BCL2L13: variants seen among roughly 807,000 people sequenced by gnomAD.
BCL2L13 encodes BCL2 like 13, also known as bcl-2-like protein 13.
A neutral mutation model predicts 25.8 loss-of-function variants in BCL2L13; 13 were observed. The observed-to-expected ratio is 0.50, with a 90% confidence interval of 0.33 to 0.80. BCL2L13 has a LOEUF of 0.80. Ranked by LOEUF, BCL2L13 falls within the 30% of genes least tolerant of loss-of-function variation. BCL2L13 has a pLI of 0.02. For synonymous variants in BCL2L13, 244 were observed against 230.3 expected (o/e 1.06, Z -0.54); for missense variants, 504 against 574.9 (o/e 0.88, Z 1.26).
At chr22:17,664,904 G>A (rs2059189650) in intron 2 of BCL2L13, among the ~76,000 whole-genome samples, 1 of 152,218 alleles carries the variant, frequency 6.6e-6, no homozygotes, top group Admixed American at 6.5e-5. Flanking sequence ...CCCTGGTCCA[G>A]GAAACTATGT....
Position 17,727,061 on chromosome 22 carries a change from T to C in BCL2L13, c.985T>C (p.Leu329=), listed in dbSNP as rs200337502. The stretch of plus-strand genomic sequence containing the variant: ...AGAGGCTGCTGTGGCTTCTGTGGTC[T>C]TGCCAGCGCGGGAGCTGCAAGAGGC... ...MEEAAVASVV[L]PARELQEALP... is the part of the protein sequence containing the mutation. Residue 329 remains leucine, a synonymous_variant, in exon 7 of 7, where the codon TTG becomes CTG. Coordinates refer to ENST00000317582, the MANE Select transcript of BCL2L13 (RefSeq NM_015367.4). 6 of 1,614,094 alleles carry C rather than the reference T, an allele frequency of 3.7e-6. No individual in the cohort carries two copies. The highest frequency in any genetic ancestry group is 3.3e-5 in the Admixed American group (2 of 60,002).
intron 1 of BCL2L13, among the ~76,000 whole-genome samples, chr22:17,640,051 A>G (rs1173440238): frequency 6.6e-6 from 1 of 152,032 alleles, no homozygotes; most frequent in African/African-American, 2.4e-5. Flanking sequence ...ACGGGGTTTC[A>G]TCATGTTGGT....
rs192039515 is a variant in BCL2L13 at position 17,695,076 on chromosome 22, C to T, written c.387-1065C>T. Among the ~76,000 whole-genome samples the T allele has an allele frequency of 4.0e-5, 6 of 149,850 alleles. No homozygotes were observed. In the East Asian group the frequency reaches 1.2e-3, roughly 30 times the overall value. The stretch of plus-strand genomic sequence containing the variant: ...GAGGAACCACTTGGAACTTATGGTT[C>T]CAGGACCTCAACACAGCCTCGTCTA... On this transcript the variant is annotated intron_variant, in intron 4 of 6. Transcript: ENST00000317582.
chr22:17,643,908 C>T (rs965406229), intron 1 of BCL2L13, among the ~76,000 whole-genome samples: 6 of 149,750 alleles, frequency 4.0e-5, no homozygotes, highest in South Asian at 4.2e-4. Context: ...CCACGGCGCC[C>T]GGCCAACTTT....
chr22:17,631,217 C>G (rs775973446), intron 1 of BCL2L13, among the ~76,000 whole-genome samples: 8 of 151,858 alleles, frequency 5.3e-5, no homozygotes, highest in Non-Finnish European at 8.8e-5. Flanking sequence ...CTGCCTCAGC[C>G]TCTCCAGTAG....
At chr22:17,638,657 C>G (rs1320142802), upstream of BCL2L13, 1 of 1,231,238 alleles carries the variant, frequency 8.1e-7, no homozygotes. Flanking sequence ...TCCGGGGCCT[C>G]CGTTGGTCGG....
chr22:17,714,412 A>T (rs577682188), intron 6 of BCL2L13, among the ~76,000 whole-genome samples: 1 of 152,154 alleles, frequency 6.6e-6, no homozygotes, highest in African/African-American at 2.4e-5. Flanking sequence ...AGATGGTGCA[A>T]CTGCACTCCA....
intron 5 of BCL2L13, among the ~76,000 whole-genome samples, chr22:17,701,350 T>A (rs1047076392): frequency 6.6e-6 from 1 of 152,226 alleles, no homozygotes; most frequent in Non-Finnish European, 1.5e-5. Context: ...TCATCCTTGT[T>A]GCCAGTCACC....
At chr22:17,631,214 A>G (rs2058007108) in intron 1 of BCL2L13, among the ~76,000 whole-genome samples, 1 of 151,322 alleles carries the variant, frequency 6.6e-6, no homozygotes, top group East Asian at 2.0e-4. Context: ...TTCCTGCCTC[A>G]GCCTCTCCAG....
intron 1 of BCL2L13, among the ~76,000 whole-genome samples, chr22:17,629,224 A>G (rs1391818024): frequency 6.6e-6 from 1 of 152,078 alleles, no homozygotes; most frequent in Non-Finnish European, 1.5e-5. Context: ...AAAGGGGGAT[A>G]CATGATTTCT....
chr22:17,714,171 T>C (rs1204906882), intron 6 of BCL2L13, among the ~76,000 whole-genome samples: 1 of 152,010 alleles, frequency 6.6e-6, no homozygotes, highest in Non-Finnish European at 1.5e-5. Flanking sequence ...CGGGCACCTG[T>C]AGTCCCAGCT....
At chr22:17,648,868 G>A (rs891057191) in intron 1 of BCL2L13, among the ~76,000 whole-genome samples, 2 of 152,158 alleles carry the variant, frequency 1.3e-5, no homozygotes, top group Non-Finnish European at 2.9e-5. Flanking sequence ...GTTGGCAAAC[G>A]ACTTCAGTGA....
intron 1 of BCL2L13, among the ~76,000 whole-genome samples, chr22:17,629,729 A>T (rs958115033): frequency 6.6e-6 from 1 of 152,182 alleles, no homozygotes; most frequent in East Asian, 1.9e-4. Flanking sequence ...GAGATATAGT[A>T]ACTTGTAAGA....
chr22:17,631,664 GTGTGTGTATATATATATATATATATA>G (rs1179105573), intron 1 of BCL2L13, among the ~76,000 whole-genome samples: 16 of 26,894 alleles, frequency 5.9e-4, no homozygotes, highest in Non-Finnish European at 9.6e-4. Flanking sequence ...ATGTATGTGT[GTGTGTGTATATATATATATATATATA>G]TATATATATA....
rs147307520 is a variant in BCL2L13 at position 17,630,871 on chromosome 22, G to A, written c.-650+1866G>A. ...CTCCCAAAGTGCTGGGATTACAGAC[G>A]TGAGCCACCGCGCCCAGCCATAACC... On this transcript the variant is annotated intron_variant, in intron 1 of 6. Transcript: ENST00000399782. Among the ~76,000 whole-genome samples, 1,104 of 151,962 alleles carry A rather than the reference G, an allele frequency of 7.3e-3. 13 individuals carry two copies. Among genetic ancestry groups the A allele is most frequent in the African/African-American group, 0.024 (997 of 41,460 alleles).
intron 2 of BCL2L13, among the ~76,000 whole-genome samples, chr22:17,657,521 CTT>C (rs1019910078): frequency 2.8e-5 from 4 of 145,274 alleles, no homozygotes; most frequent in Admixed American, 6.9e-5. Flanking sequence ...TTCTTTTTTT[CTT>C]TTTTTTTTTT....
At chr22:17,700,755 G>A (rs1465192183) in intron 5 of BCL2L13, among the ~76,000 whole-genome samples, 1 of 152,152 alleles carries the variant, frequency 6.6e-6, no homozygotes, top group Non-Finnish European at 1.5e-5. Context: ...TATATTTTGG[G>A]CTGGAGTGCC....
upstream of BCL2L13, among the ~76,000 whole-genome samples, chr22:17,636,182 G>A (rs1483411310): frequency 6.6e-6 from 1 of 151,870 alleles, no homozygotes; most frequent in Non-Finnish European, 1.5e-5. Context: ...AATGTAGCCA[G>A]GCATAGTGGT....
At chr22:17,633,864 T>C (rs2058065943), upstream of BCL2L13, among the ~76,000 whole-genome samples, 1 of 152,038 alleles carries the variant, frequency 6.6e-6, no homozygotes, top group African/African-American at 2.4e-5. Flanking sequence ...AACTCTGTCA[T>C]GGCTTCTGCT....
Sources: gnomAD v4.1 joint callset for allele counts (sites outside exome capture counted in the v4.1 genomes callset) on GRCh38, gnomAD v4.1.1 for gene constraint, MANE v1.5 for transcripts, NCBI Gene and HGNC (gene_info 2026-07-23, HGNC 2026-07-21) for gene names.